Variants in UNC5D observed in about 807,000 individuals in gnomAD.
The protein encoded by UNC5D is unc-5 netrin receptor D, also known as netrin receptor UNC5D.
In UNC5D, 39 loss-of-function variants were observed where a neutral mutation model predicts 105.4. The ratio of observed to expected loss-of-function variants is 0.37; its 90% CI spans 0.29 to 0.48. UNC5D has a LOEUF of 0.48. UNC5D is among the 20% of genes least tolerant of loss of function. The pLI, the probability that UNC5D is intolerant of heterozygous loss-of-function variation, is 0.98. For synonymous variants in UNC5D, 452 were observed against 450.4 expected (o/e 1.00, Z -0.04); for missense variants, 991 against 1,202.4 (o/e 0.82, Z 2.60).
At chr8:35,505,074 T>G (rs1438831795) in intron 1 of UNC5D, among the ~76,000 whole-genome samples, 1 of 152,248 alleles carries the variant, frequency 6.6e-6, no homozygotes, top group Non-Finnish European at 1.5e-5. Flanking sequence ...TGAGAGGTGA[T>G]GTATACCCCA....
intron 4 of UNC5D, among the ~76,000 whole-genome samples, chr8:35,601,364 G>T (rs1040748342): frequency 4.3e-4 from 65 of 152,236 alleles, no homozygotes; most frequent in African/African-American, 1.5e-3. Context: ...GTGAAGAAAG[G>T]CAGTGAATCT....
chr8:35,525,596 C>T, intron 1 of UNC5D: 1 of 1,613,244 alleles, frequency 6.2e-7, no homozygotes, highest in East Asian at 2.2e-5. Context: ...AGTTTATGAG[C>T]AAGATGTCTG....
intron 1 of UNC5D, among the ~76,000 whole-genome samples, chr8:35,421,621 TATG>T (rs1315559696): frequency 6.6e-6 from 1 of 152,176 alleles, no homozygotes; most frequent in African/African-American, 2.4e-5. Context: ...ATTCTTTTAT[TATG>T]AGCATGTATT....
intron 4 of UNC5D, among the ~76,000 whole-genome samples, chr8:35,617,827 T>G (rs1297837339): frequency 1.3e-5 from 2 of 152,252 alleles, no homozygotes; most frequent in African/African-American, 4.8e-5. Context: ...TAAATATAAC[T>G]GAGTCTCTCT....
intron 1 of UNC5D, among the ~76,000 whole-genome samples, chr8:35,325,201 A>C (rs931368720): frequency 6.6e-5 from 10 of 152,176 alleles, no homozygotes; most frequent in African/African-American, 2.4e-4. Flanking sequence ...CTTTGGGGTT[A>C]ATGGTTAACC....
At chr8:35,450,048 A>G (rs1193237788) in intron 1 of UNC5D, among the ~76,000 whole-genome samples, 2 of 152,128 alleles carry the variant, frequency 1.3e-5, no homozygotes, top group Non-Finnish European at 2.9e-5. Flanking sequence ...ATTGCTTTGT[A>G]TTATTCTGGA....
intron 1 of UNC5D, among the ~76,000 whole-genome samples, chr8:35,395,157 G>A (rs970371470): frequency 2.0e-5 from 3 of 152,196 alleles, no homozygotes; most frequent in Non-Finnish European, 4.4e-5. Context: ...GGAACTTCAG[G>A]TTGGAAGAAA....
chr8:35,620,915 C>T (rs1209242809), intron 4 of UNC5D, among the ~76,000 whole-genome samples: 5 of 152,206 alleles, frequency 3.3e-5, no homozygotes, highest in African/African-American at 9.6e-5. Context: ...CTTGGAGAAG[C>T]GTAAGATAGA....
At chr8:35,634,764 T>C (rs1822252994) in intron 4 of UNC5D, among the ~76,000 whole-genome samples, 1 of 151,904 alleles carries the variant, frequency 6.6e-6, no homozygotes, top group Non-Finnish European at 1.5e-5. Flanking sequence ...TTTCTTTTTT[T>C]TTTTTCTTTC....
chr8:35,420,369 A>G (rs897110179), intron 1 of UNC5D, among the ~76,000 whole-genome samples: 1 of 152,202 alleles, frequency 6.6e-6, no homozygotes, highest in Non-Finnish European at 1.5e-5. Flanking sequence ...TCTCATTAGA[A>G]TCAATGAACA....
intron 7 of UNC5D, among the ~76,000 whole-genome samples, chr8:35,687,179 C>T (rs1826063711): frequency 6.6e-6 from 1 of 152,200 alleles, no homozygotes; most frequent in Non-Finnish European, 1.5e-5. Flanking sequence ...CGCAGTGGCT[C>T]ACGCCTGTAA....
chr8:35,239,988 T>A (rs1324787443), intron 1 of UNC5D, among the ~76,000 whole-genome samples: 3 of 151,962 alleles, frequency 2.0e-5, no homozygotes, highest in Non-Finnish European at 2.9e-5. Flanking sequence ...CAGGCAGGAG[T>A]GCAGTGGTGC....
intron 1 of UNC5D, among the ~76,000 whole-genome samples, chr8:35,351,167 C>T (rs1563335284): frequency 6.6e-6 from 1 of 152,002 alleles, no homozygotes; most frequent in Admixed American, 6.6e-5. Context: ...CAGGAATCCA[C>T]GTGTGCAAAT....
At chr8:35,433,063 A>T (rs1170427107) in intron 1 of UNC5D, among the ~76,000 whole-genome samples, 1 of 152,220 alleles carries the variant, frequency 6.6e-6, no homozygotes, top group Non-Finnish European at 1.5e-5. Flanking sequence ...ATGAATTTGA[A>T]TTGAATACTT....
At chr8:35,303,497 C>T (rs1055103500) in intron 1 of UNC5D, among the ~76,000 whole-genome samples, 53 of 152,088 alleles carry the variant, frequency 3.5e-4, no homozygotes, top group African/African-American at 1.3e-3. Flanking sequence ...TACTCAAAGG[C>T]TTAGAGCTCA....
At chr8:35,288,390 T>A (rs1806778400) in intron 1 of UNC5D, among the ~76,000 whole-genome samples, 1 of 151,972 alleles carries the variant, frequency 6.6e-6, no homozygotes, top group South Asian at 2.1e-4. Flanking sequence ...AAAAAAAAAC[T>A]TTCGAGCAAA....
At chr8:35,679,791 T>C (rs1001242962) in intron 4 of UNC5D, among the ~76,000 whole-genome samples, 16 of 152,332 alleles carry the variant, frequency 1.1e-4, no homozygotes, top group Admixed American at 1.0e-3. Context: ...TATTTCTTGT[T>C]GCTCATAACA....
intron 1 of UNC5D, among the ~76,000 whole-genome samples, chr8:35,273,998 G>GTT: frequency 6.9e-6 from 1 of 145,812 alleles, no homozygotes; most frequent in East Asian, 2.0e-4. Flanking sequence ...ATTTATCGTG[G>GTT]TTTTTTTTTT....
chr8:35,688,080 C>T (rs914451205), intron 7 of UNC5D, among the ~76,000 whole-genome samples: 2 of 151,546 alleles, frequency 1.3e-5, no homozygotes, highest in African/African-American at 2.4e-5. Flanking sequence ...TGCAGTGAGC[C>T]GAGATAGCAC....
Sources: allele counts gnomAD v4.1 joint callset (sites outside exome capture counted in the v4.1 genomes callset), GRCh38; gene constraint gnomAD v4.1.1; transcripts MANE v1.5; gene names NCBI Gene and HGNC (gene_info 2026-07-23, HGNC 2026-07-21).